CEMIP2: variants seen among roughly 807,000 people sequenced by gnomAD.
CEMIP2 encodes cell surface hyaluronidase CEMIP2.
CEMIP2 carries 79 observed loss-of-function variants against 146.9 expected under a neutral mutation model. That is an observed-to-expected ratio of 0.54 (90% CI 0.45 to 0.65). The LOEUF (loss-of-function observed/expected upper bound fraction) is 0.65, where lower values mean the gene tolerates loss of function less well. Ranked by LOEUF, CEMIP2 falls within the 30% of genes least tolerant of loss-of-function variation. CEMIP2 has a pLI of 0.00. For missense variants in CEMIP2, 1,596 were observed against 1,696.2 expected (o/e 0.94, Z 1.04); for synonymous variants, 601 against 606.3 (o/e 0.99, Z 0.13).
intron 1 of CEMIP2, among the ~76,000 whole-genome samples, chr9:71,765,308 A>G (rs1438184823): frequency 6.6e-6 from 1 of 152,226 alleles, no homozygotes; most frequent in Non-Finnish European, 1.5e-5. Flanking sequence ...AACTTTTGAA[A>G]GTACCTTTTG....
rs111865453 is a variant in CEMIP2, at chr9:71,730,792, T to A, written c.1686A>T (p.Gly562=). 80 of 1,614,080 alleles carry A rather than the reference T, an allele frequency of 5.0e-5. No homozygotes were observed. Among genetic ancestry groups the A allele is most frequent in the Non-Finnish European group, 6.7e-5 (79 of 1,180,058 alleles). ...HLCGDVDYKG[G]YRHATFVDGL... is the part of the protein sequence containing the mutation. ...CGTCCACAAATGTTGCATGTCTGTATCCTCCTTTATAATCCACGTCACCAC... is the reference window on the plus strand; with the variant it reads ...CGTCCACAAATGTTGCATGTCTGTAACCTCCTTTATAATCCACGTCACCAC... The change falls in exon 8 of 24, where the codon GGA becomes GGT. Residue 562 remains glycine (G), a synonymous_variant. Coordinates refer to ENST00000377044, the MANE Select transcript of CEMIP2 (RefSeq NM_013390.3).
chr9:71,701,078 C>G (rs1051866988), intron 18 of CEMIP2, among the ~76,000 whole-genome samples: 1 of 152,056 alleles, frequency 6.6e-6, no homozygotes, highest in South Asian at 2.1e-4. Context: ...AAAATATGAG[C>G]CTTTACAATT....
chr9:71,756,915 G>A (rs1427188130), intron 1 of CEMIP2, among the ~76,000 whole-genome samples: 1 of 152,168 alleles, frequency 6.6e-6, no homozygotes, highest in Non-Finnish European at 1.5e-5. Flanking sequence ...ATTTTGTTAT[G>A]TTGACAGCCA....
chr9:71,769,278 C>G (rs1361010314), upstream of CEMIP2, among the ~76,000 whole-genome samples: 1 of 152,202 alleles, frequency 6.6e-6, no homozygotes, highest in Non-Finnish European at 1.5e-5. Context: ...TGCACCCCAT[C>G]AACCCTCGGC....
Position 71,709,482 on chromosome 9 carries a change from C to T in CEMIP2, c.2770-8G>A, listed in dbSNP as rs1335896820. On this transcript the variant is annotated splice_polypyrimidine_tract_variant and splice_region_variant and intron_variant, in intron 16 of 23. Coordinates refer to ENST00000377044, the MANE Select transcript of CEMIP2 (RefSeq NM_013390.3). Reference sequence around the variant, plus strand: ...AAAGACATTCAGAGAGACCTGACCACAGTGAAAAAGAAAGACATCACAAAG... The same window carrying T: ...AAAGACATTCAGAGAGACCTGACCATAGTGAAAAAGAAAGACATCACAAAG... The T allele has an allele frequency of 6.2e-7, 1 of 1,613,454 alleles. No homozygotes were observed. Among genetic ancestry groups the T allele is most frequent in the Admixed American group, 1.7e-5 (1 of 60,000 alleles).
intron 20 of CEMIP2, among the ~76,000 whole-genome samples, chr9:71,695,998 T>C (rs1822391199): frequency 6.6e-6 from 1 of 152,088 alleles, no homozygotes; most frequent in African/African-American, 2.4e-5. Context: ...GTAAAAGCGA[T>C]GTTCCCAGCG....
At chr9:71,685,476 G>A (rs1161684060) in intron 23 of CEMIP2, 83 bp from the exon 24 acceptor site, 42 of 1,364,602 alleles carry the variant, frequency 3.1e-5, no homozygotes, top group Non-Finnish European at 3.7e-5. Flanking sequence ...GAGGTGAGTC[G>A]GAGGTGAGCA....
At chr9:71,685,873 G>A (rs1563989517) in intron 22 of CEMIP2, 27 bp from the exon 23 acceptor site, 1 of 1,541,420 alleles carries the variant, frequency 6.5e-7, no homozygotes, top group South Asian at 1.1e-5. Context: ...GAAAGTCAGA[G>A]CCAATTTCAA....
chr9:71,749,867 A>T, intron 2 of CEMIP2, 176 bp downstream of exon 2: 1 of 581,786 alleles, frequency 1.7e-6, no homozygotes. Context: ...CCATTTAATC[A>T]TTTCCAACAG....
intron 18 of CEMIP2, among the ~76,000 whole-genome samples, chr9:71,702,163 T>C (rs765048153): frequency 6.0e-5 from 9 of 149,646 alleles, no homozygotes; most frequent in Non-Finnish European, 1.2e-4. Flanking sequence ...GAGGCTTAGG[T>C]AGGAGGATCA....
At position 71,684,724 on chromosome 9, in the gene CEMIP2, G is replaced by C. The variant is rs12237894; in HGVS notation, c.*473C>G. ...TCAATATCATAGAAAATCCTCAAAGGCTGCCCAGAAACAGGGCCCCAGGCA... is the reference window on the plus strand; with the variant it reads ...TCAATATCATAGAAAATCCTCAAAGCCTGCCCAGAAACAGGGCCCCAGGCA... On this transcript the variant is annotated 3_prime_UTR_variant, in exon 24 of 24. Coordinates refer to ENST00000377044, the MANE Select transcript of CEMIP2 (RefSeq NM_013390.3). 16,847 of 153,932 alleles carry C rather than the reference G, an allele frequency of 0.11. 1,230 individuals are homozygous for C. The highest frequency in any genetic ancestry group is 0.3 in the East Asian group (1,543 of 5,196). 9.5% of individuals were successfully genotyped at this position (153,932 alleles called of 1,614,324 possible).
intron 1 of CEMIP2, among the ~76,000 whole-genome samples, chr9:71,761,119 C>T (rs1824622269): frequency 6.6e-6 from 1 of 152,214 alleles, no homozygotes; most frequent in Non-Finnish European, 1.5e-5. Context: ...ACCAGCCTTG[C>T]AGCTGGCCTT....
chr9:71,690,150 A>G lies in CEMIP2; in HGVS notation c.3793T>C (p.Phe1265Leu), dbSNP rs1419334763. 1 of 1,614,068 alleles carries G rather than the reference A, an allele frequency of 6.2e-7. No homozygotes were observed. Among genetic ancestry groups the G allele is most frequent in the Non-Finnish European group, 8.5e-7 (1 of 1,180,028 alleles). ...ATGCGACTGACATCAGCAAGAGGAAAAACCGTTTTTTCCGTCAAGCGGAAT... is the reference window on the plus strand; with the variant it reads ...ATGCGACTGACATCAGCAAGAGGAAGAACCGTTTTTTCCGTCAAGCGGAAT... ...VPFRLTEKTV[F>L]PLADVSRIEE... Residue 1265 changes from phenylalanine (F) to leucine (L), a missense_variant, in exon 22 of 24, where the codon TTT becomes CTT. Physicochemically the swap from Phe to Leu is conservative, Grantham distance 22 (BLOSUM62 0). Transcript: ENST00000377044.
chr9:71,694,247 C>T (rs886948605), intron 21 of CEMIP2, among the ~76,000 whole-genome samples: 7 of 151,972 alleles, frequency 4.6e-5, no homozygotes, highest in Non-Finnish European at 7.4e-5. Context: ...CTCAGCCTCC[C>T]GAGTAGCTGG....
At chr9:71,741,761 C>A (rs1311868276) in intron 4 of CEMIP2, among the ~76,000 whole-genome samples, 1 of 150,860 alleles carries the variant, frequency 6.6e-6, no homozygotes, top group South Asian at 2.1e-4. Flanking sequence ...GCCTTAGCCT[C>A]CCAAGTAGCT....
intron 12 of CEMIP2, 38 bp downstream of exon 12, chr9:71,722,389 A>T (rs559588736): frequency 6.5e-7 from 1 of 1,526,986 alleles, no homozygotes; most frequent in South Asian, 1.2e-5. Flanking sequence ...GCTTTGGCAA[A>T]GTATAGCTTG....
chr9:71,746,122 C>A, intron 3 of CEMIP2, 79 bp downstream of exon 3: 1 of 1,506,822 alleles, frequency 6.6e-7, no homozygotes. Context: ...TAAAAATAGT[C>A]TTCTACATAA....
intron 17 of CEMIP2, among the ~76,000 whole-genome samples, chr9:71,706,655 A>G (rs930639690): frequency 2.0e-5 from 3 of 152,212 alleles, no homozygotes; most frequent in South Asian, 2.1e-4. Context: ...ATAACCACAT[A>G]TTTATAGAAA....
At chr9:71,757,934 AAAT>A (rs1824512455) in intron 1 of CEMIP2, among the ~76,000 whole-genome samples, 1 of 152,244 alleles carries the variant, frequency 6.6e-6, no homozygotes, top group African/African-American at 2.4e-5. Context: ...AGTTTCAAAT[AAAT>A]AATTAAGTGT....
Sources: gnomAD v4.1 joint callset for allele counts (sites outside exome capture counted in the v4.1 genomes callset) on GRCh38, gnomAD v4.1.1 for gene constraint, MANE v1.5 for transcripts, NCBI Gene and HGNC (gene_info 2026-07-23, HGNC 2026-07-21) for gene names.